DENND4C: variants seen among roughly 807,000 people sequenced by gnomAD.
DENND4C encodes DENN domain containing 4C.
In DENND4C, 108 loss-of-function variants were observed where a neutral mutation model predicts 203.0. The ratio of observed to expected loss-of-function variants is 0.53; its 90% CI spans 0.46 to 0.62. The LOEUF is 0.62. Among genes scored for constraint, DENND4C ranks in the 20% least tolerant of loss-of-function variants. The probability of loss-of-function intolerance (pLI) is 0.00; values close to 1 mark genes in which losing one functional copy is unlikely to be tolerated. For synonymous variants in DENND4C, 871 were observed against 792.4 expected, an observed-to-expected ratio of 1.10 and a Z score of -1.67; for missense variants, 2,481 against 2,301.2, an observed-to-expected ratio of 1.08 and a Z score of -1.60.
At chr9:19,347,738 AAAGC>A (rs1823223223) in intron 23 of DENND4C, among the ~76,000 whole-genome samples, 1 of 152,220 alleles carries the variant, frequency 6.6e-6, no homozygotes, top group Admixed American at 6.5e-5. Context: ...TATTTCTTTG[AAAGC>A]TCTAATGATT....
At chr9:19,314,237 G>A (rs1346423196) in intron 10 of DENND4C, among the ~76,000 whole-genome samples, 1 of 152,016 alleles carries the variant, frequency 6.6e-6, no homozygotes, top group Non-Finnish European at 1.5e-5. Context: ...GGCGGATCAC[G>A]AGGTCAGGAG....
chr9:19,324,393 A>G lies in DENND4C; in HGVS notation c.1839A>G (p.Ala613=). ...TAAAAAGTCGAGATCGTGCCTATGC[A>G]AAATTCTATACCCTTTTATCCAAAA... ...GFLKSRDRAY[A]KFYTLLSKTQ... Residue 613 remains alanine, a synonymous_variant, in exon 13 of 33, where the codon GCA becomes GCG. Coordinates refer to ENST00000434457, the MANE Select transcript of DENND4C (RefSeq NM_001330640.2). 6.2e-7 allele frequency: 1 copy of G among 1,606,866 alleles called. No individual in the cohort carries two copies. The highest frequency in any genetic ancestry group is 8.5e-7 in the Non-Finnish European group (1 of 1,178,282).
chr9:19,352,423 C>G, intron 25 of DENND4C, 67 bp from the exon 26 acceptor site: 4 of 1,432,014 alleles, frequency 2.8e-6, no homozygotes, highest in Non-Finnish European at 3.7e-6. Flanking sequence ...CCCATTATCT[C>G]AAGAGAATTC....
At chr9:19,275,971 G>C (rs79829604) in intron 1 of DENND4C, among the ~76,000 whole-genome samples, 187 bp from the exon 2 acceptor site, 2,312 of 152,256 alleles carry the variant, frequency 0.015, 52 homozygotes, top group African/African-American at 0.053. Context: ...AATTGATGCT[G>C]TTAACTTGTA....
chr9:19,314,706 C>T (rs998590595), intron 10 of DENND4C, among the ~76,000 whole-genome samples: 19 of 151,920 alleles, frequency 1.3e-4, no homozygotes, highest in African/African-American at 4.6e-4. Flanking sequence ...CAAAATAGAA[C>T]CTGATTAAAA....
intron 1 of DENND4C, among the ~76,000 whole-genome samples, chr9:19,237,411 G>A (rs1356761308): frequency 4.6e-5 from 7 of 152,006 alleles, no homozygotes; most frequent in Admixed American, 1.3e-4. Context: ...GAGTGTAGTG[G>A]CGTGATCTCG....
chr9:19,338,057 T>G (rs932400804), intron 20 of DENND4C, among the ~76,000 whole-genome samples: 19 of 152,204 alleles, frequency 1.2e-4, no homozygotes, highest in African/African-American at 4.6e-4. Flanking sequence ...TTCACATAAT[T>G]ACAGGAGCAT....
At chr9:19,360,894 A>G (rs117277929) in intron 29 of DENND4C, among the ~76,000 whole-genome samples, 2,522 of 152,212 alleles carry the variant, frequency 0.017, 29 homozygotes, top group Non-Finnish European at 0.027. Context: ...TCTGTCTGCA[A>G]GGGTAGCTAG....
At chr9:19,284,875 G>T (rs538259652) in intron 2 of DENND4C, among the ~76,000 whole-genome samples, 3 of 152,096 alleles carry the variant, frequency 2.0e-5, no homozygotes, top group Non-Finnish European at 4.4e-5. Flanking sequence ...GGTGTTCGTT[G>T]TCATGTAACG....
intron 30 of DENND4C, among the ~76,000 whole-genome samples, chr9:19,368,257 ATTT>A (rs145197314): frequency 1.6e-4 from 18 of 110,758 alleles, no homozygotes; most frequent in Admixed American, 5.5e-4. Context: ...GGACTTTGCT[ATTT>A]TTTTTTTTTT....
chr9:19,304,374 T>C (rs1839223625), intron 9 of DENND4C, among the ~76,000 whole-genome samples: 1 of 151,384 alleles, frequency 6.6e-6, no homozygotes, highest in Admixed American at 6.6e-5. Flanking sequence ...AGTAGAAACA[T>C]GGTTTGTACA....
At chr9:19,234,537 T>TG (rs1176857998) in intron 1 of DENND4C, among the ~76,000 whole-genome samples, 1 of 148,842 alleles carries the variant, frequency 6.7e-6, no homozygotes, top group Non-Finnish European at 1.5e-5. Context: ...GCTGTTTTTT[T>TG]TTTTTTTTTT....
chr9:19,327,896 G>A, intron 15 of DENND4C, 134 bp from the exon 16 acceptor site: 1 of 884,044 alleles, frequency 1.1e-6, no homozygotes, highest in South Asian at 2.4e-5. Context: ...TTTTGAAAAA[G>A]TATTTTTTCT....
chr9:19,342,716 G>T lies in DENND4C; in HGVS notation c.3088G>T (p.Gly1030Cys). 1 of 1,612,908 alleles carries T rather than the reference G, an allele frequency of 6.2e-7. No homozygotes were observed. Among genetic ancestry groups the T allele is most frequent in the South Asian group, 1.1e-5 (1 of 90,866 alleles). Residue 1030 changes from glycine to cysteine, a missense_variant, in exon 22 of 33, where the codon GGC (glycine) becomes TGC (cysteine). By Grantham distance (159) the Gly-to-Cys change is radical. Around this residue, in one of 3 missense-constraint regions of DENND4C, gnomAD observed 2,289 missense variants for 2,113.3 expected, o/e 1.08. Coordinates refer to ENST00000434457, the MANE Select transcript of DENND4C (RefSeq NM_001330640.2). Reference sequence around the variant, plus strand: ...CAGTCCTACTGAACCTCCTGCATGGGGCAGCAGTATTGTGAAAGTTCCGTC... The same window carrying T: ...CAGTCCTACTGAACCTCCTGCATGGTGCAGCAGTATTGTGAAAGTTCCGTC... ...PHSPTEPPAWGSSIVKVPSGI... is the reference protein window; with the variant it reads ...PHSPTEPPAWCSSIVKVPSGI...
chr9:19,314,936 CG>C (rs1841496278), intron 10 of DENND4C, among the ~76,000 whole-genome samples: 1 of 151,518 alleles, frequency 6.6e-6, no homozygotes, highest in African/African-American at 2.4e-5. Flanking sequence ...CCGAGGTGGG[CG>C]TATCACATGA....
chr9:19,354,713 T>C (rs1824983362), intron 26 of DENND4C, among the ~76,000 whole-genome samples: 1 of 151,282 alleles, frequency 6.6e-6, no homozygotes, highest in Non-Finnish European at 1.5e-5. Context: ...GCCCAGCTAA[T>C]TTTTGTAATT....
In DENND4C at chr9:19,336,350, C is replaced by T. The variant is rs370850422; in HGVS notation, c.2670C>T (p.Gly890=). 1.2e-4 allele frequency: 198 copies of T among 1,613,978 alleles called. No individual in the cohort carries two copies. The highest frequency in any genetic ancestry group is 1.6e-4 in the Non-Finnish European group (191 of 1,179,960). ...LWTKVRNVVR[G]LAQFRQPLKK... is the part of the protein sequence containing the mutation. ...CGAAGGTACGGAATGTGGTACGTGG[C>T]TTGGCACAGTTTAGGCAGCCGCTTA... The change falls in exon 19 of 33, where the codon GGC becomes GGT. Residue 890 remains glycine (G), a synonymous_variant. Transcript: ENST00000434457.
intron 1 of DENND4C, among the ~76,000 whole-genome samples, chr9:19,244,412 C>T (rs1824587734): frequency 6.6e-6 from 1 of 152,060 alleles, no homozygotes; most frequent in South Asian, 2.1e-4. Flanking sequence ...TTTATCTTCA[C>T]ATTGGCTGAT....
chr9:19,313,447 A>G (rs750336925), intron 10 of DENND4C, among the ~76,000 whole-genome samples: 4 of 152,250 alleles, frequency 2.6e-5, no homozygotes, highest in Non-Finnish European at 4.4e-5. Flanking sequence ...TCACACAGAT[A>G]GTAAACGTCA....
Sources: gnomAD v4.1 joint callset for allele counts (sites outside exome capture counted in the v4.1 genomes callset) on GRCh38, gnomAD v4.1.1 for gene constraint, gnomAD v4.1.1 regional missense constraint, MANE v1.5 for transcripts, NCBI Gene and HGNC (gene_info 2026-07-23, HGNC 2026-07-21) for gene names.